Variants in SHISA6 observed in about 807,000 individuals in gnomAD.
SHISA6 encodes protein shisa-6.
SHISA6 carries 22 observed loss-of-function variants against 47.9 expected under a neutral mutation model. The ratio of observed to expected loss-of-function variants is 0.46; its 90% CI spans 0.33 to 0.66. The LOEUF (loss-of-function observed/expected upper bound fraction) is 0.66, where lower values mean the gene tolerates loss of function less well. Ranked by LOEUF, SHISA6 falls within the 30% of genes least tolerant of loss-of-function variation. The pLI, the probability that SHISA6 is intolerant of heterozygous loss-of-function variation, is 0.02. For synonymous variants in SHISA6, 388 were observed against 337.8 expected (o/e 1.15, Z -1.63); for missense variants, 680 against 764.6 (o/e 0.89, Z 1.30).
intron 3 of SHISA6, among the ~76,000 whole-genome samples, chr17:11,462,178 C>G (rs1375957326): frequency 1.3e-5 from 2 of 152,194 alleles, no homozygotes. Flanking sequence ...CCCTCCCCCT[C>G]TTGCTTCTGT....
chr17:11,539,486 A>G (rs565476167), intron 3 of SHISA6, among the ~76,000 whole-genome samples: 102 of 152,344 alleles, frequency 6.7e-4, no homozygotes, highest in Admixed American at 5.4e-3. Flanking sequence ...AAACACATAC[A>G]TATCCACACA....
At chr17:11,295,963 CAAAAA>C (rs3034195) in intron 2 of SHISA6, among the ~76,000 whole-genome samples, 6 of 91,372 alleles carry the variant, frequency 6.6e-5, no homozygotes, top group Non-Finnish European at 4.2e-5. Flanking sequence ...GACTCCATCT[CAAAAA>C]AAAAAAAAAA....
intron 2 of SHISA6, among the ~76,000 whole-genome samples, chr17:11,280,524 T>C (rs553646913): frequency 4.5e-4 from 68 of 152,184 alleles, no homozygotes; most frequent in Non-Finnish European, 7.2e-4. Flanking sequence ...TCCACATAAA[T>C]AGGAGCATGC....
rs533474135 is a variant in SHISA6 at position 11,279,803 on chromosome 17, G to T, written c.799+16277G>T. Among the ~76,000 whole-genome samples, 5 of 116,050 alleles carry T rather than the reference G, an allele frequency of 4.3e-5. No homozygotes were observed. In the South Asian group the frequency reaches 1.4e-3, roughly 32 times the overall value. The allele number at this position is 116,050 out of a possible 152,430, so 76.1% of individuals were successfully genotyped here. Reference sequence around the variant, plus strand: ...CACCAAGAATAGCAAAGAGCAAAAAGAGAGAGAGAAAGAGGGAGAGAGAGA... The same window carrying T: ...CACCAAGAATAGCAAAGAGCAAAAATAGAGAGAGAAAGAGGGAGAGAGAGA... On this transcript the variant is annotated intron_variant, in intron 2 of 5. Transcript: ENST00000441885.
At chr17:11,414,705 A>G (rs922866703) in intron 3 of SHISA6, among the ~76,000 whole-genome samples, 1 of 152,226 alleles carries the variant, frequency 6.6e-6, no homozygotes, top group African/African-American at 2.4e-5. Context: ...ATGTAGGCAA[A>G]TATCAGTCTG....
intron 3 of SHISA6, among the ~76,000 whole-genome samples, chr17:11,462,386 C>G (rs17772838): frequency 0.27 from 40,435 of 152,112 alleles, 5,555 homozygotes; most frequent in Middle Eastern, 0.37. Flanking sequence ...CCAGCTGTCT[C>G]CCAAGTGTAT....
intron 2 of SHISA6, among the ~76,000 whole-genome samples, chr17:11,279,019 G>C (rs1909030221): frequency 6.6e-6 from 1 of 152,214 alleles, no homozygotes; most frequent in Non-Finnish European, 1.5e-5. Context: ...GTTTTCCACA[G>C]AAAGAAGCTA....
At chr17:11,363,797 A>G (rs1912362591) in intron 2 of SHISA6, among the ~76,000 whole-genome samples, 1 of 152,188 alleles carries the variant, frequency 6.6e-6, no homozygotes, top group Non-Finnish European at 1.5e-5. Flanking sequence ...CCCGGAGGTT[A>G]CTGCCCCTTT....
intron 3 of SHISA6, among the ~76,000 whole-genome samples, chr17:11,520,870 A>G (rs2071623952): frequency 6.6e-6 from 1 of 152,178 alleles, no homozygotes; most frequent in Non-Finnish European, 1.5e-5. Flanking sequence ...ACTATGAGCA[A>G]TTCTTTCTGT....
At chr17:11,417,653 A>T (rs1001391923) in intron 3 of SHISA6, among the ~76,000 whole-genome samples, 1 of 152,260 alleles carries the variant, frequency 6.6e-6, no homozygotes, top group Non-Finnish European at 1.5e-5. Context: ...CATACAAAAC[A>T]AACATAGAAG....
At chr17:11,384,733 T>C (rs367987422) in intron 3 of SHISA6, among the ~76,000 whole-genome samples, 1 of 152,112 alleles carries the variant, frequency 6.6e-6, no homozygotes, top group Non-Finnish European at 1.5e-5. Context: ...GAGGTGATGA[T>C]GCGAGTTACT....
intron 2 of SHISA6, among the ~76,000 whole-genome samples, chr17:11,358,036 T>G (rs1567583550): frequency 6.6e-6 from 1 of 152,214 alleles, no homozygotes; most frequent in Non-Finnish European, 1.5e-5. Context: ...TTAATTACGG[T>G]AAAATATACA....
intron 2 of SHISA6, among the ~76,000 whole-genome samples, chr17:11,308,492 C>T (rs1423101456): frequency 1.3e-5 from 2 of 152,128 alleles, no homozygotes; most frequent in Non-Finnish European, 2.9e-5. Context: ...TCCCCTCTAC[C>T]AAAGGCCACA....
At chr17:11,354,348 A>G (rs7210403) in intron 2 of SHISA6, among the ~76,000 whole-genome samples, 74,462 of 151,888 alleles carry the variant, frequency 0.49, 18,471 homozygotes, top group Middle Eastern at 0.54. Context: ...CATTCTGGGT[A>G]GCTGGGTTTT....
intron 2 of SHISA6, among the ~76,000 whole-genome samples, chr17:11,286,554 T>C (rs1160715196): frequency 6.6e-6 from 1 of 152,192 alleles, no homozygotes; most frequent in African/African-American, 2.4e-5. Context: ...TGCATTTGAA[T>C]GATGCTGGAA....
At chr17:11,368,014 A>G (rs1295371252) in intron 2 of SHISA6, among the ~76,000 whole-genome samples, 1 of 152,200 alleles carries the variant, frequency 6.6e-6, no homozygotes, top group East Asian at 1.9e-4. Flanking sequence ...CCAAAGTTGA[A>G]TTAATCTAAC....
chr17:11,272,895 A>G (rs932242791), intron 2 of SHISA6, among the ~76,000 whole-genome samples: 2 of 152,204 alleles, frequency 1.3e-5, no homozygotes, highest in Non-Finnish European at 2.9e-5. Flanking sequence ...TGGAATCCAG[A>G]TCCAAGGTGG....
chr17:11,249,679 A>C (rs918036084), intron 1 of SHISA6, among the ~76,000 whole-genome samples: 2 of 152,180 alleles, frequency 1.3e-5, no homozygotes, highest in Non-Finnish European at 2.9e-5. Flanking sequence ...TTGAAAGTAC[A>C]TTGAGAGCCC....
rs187530895 is a variant in SHISA6, at chr17:11,338,484, C to T, written c.800-40930C>T. ...TGGCATGATCTCGGCTCACTGCAAC[C>T]TCTGCCTCCAGGGTTCAAGCAGTTC... On this transcript the variant is annotated intron_variant, in intron 2 of 5. Transcript: ENST00000441885. Among the ~76,000 whole-genome samples the T allele has an allele frequency of 1.0e-3, 158 of 152,282 alleles. 1 individual carries two copies. Among genetic ancestry groups the T allele is most frequent in the African/African-American group, 3.5e-3 (147 of 41,558 alleles).
Sources: gnomAD v4.1 joint callset for allele counts (sites outside exome capture counted in the v4.1 genomes callset) on GRCh38, gnomAD v4.1.1 for gene constraint, MANE v1.5 for transcripts, NCBI Gene and HGNC (gene_info 2026-07-23, HGNC 2026-07-21) for gene names.